Variants in MTDH observed in about 807,000 individuals in gnomAD.
MTDH encodes protein LYRIC.
MTDH carries 34 observed loss-of-function variants against 72.7 expected under a neutral mutation model. The ratio of observed to expected loss-of-function variants is 0.47; its 90% CI spans 0.36 to 0.62. The LOEUF (loss-of-function observed/expected upper bound fraction) is 0.62, where lower values mean the gene tolerates loss of function less well. Ranked by LOEUF, MTDH falls within the 20% of genes least tolerant of loss-of-function variation. The probability of loss-of-function intolerance (pLI) is 0.00; values close to 1 mark genes in which losing one functional copy is unlikely to be tolerated. For missense variants in MTDH, 677 were observed against 699.4 expected (o/e 0.97, Z 0.36); for synonymous variants, 266 against 268.9 (o/e 0.99, Z 0.10).
Position 97,703,587 on chromosome 8 carries a change from T to C in MTDH, c.1148-3039T>C, listed in dbSNP as rs1026645697. Among the ~76,000 whole-genome samples, 4 of 152,204 alleles carry C rather than the reference T, an allele frequency of 2.6e-5. No homozygotes were observed. In the East Asian group the frequency reaches 7.7e-4, roughly 29 times the overall value. On this transcript the variant is annotated intron_variant, in intron 7 of 11. Transcript: ENST00000336273. ...TGTGAGATTTAAGCAAAGCCACTGA[T>C]AGCTTGGTATGTGAACCTCCTAAAG...
At chr8:97,677,334 A>G (rs1812894586) in intron 2 of MTDH, among the ~76,000 whole-genome samples, 2 of 151,586 alleles carry the variant, frequency 1.3e-5, no homozygotes, top group African/African-American at 4.8e-5. Context: ...TCTACTAAAA[A>G]TAAAAAATTA....
In MTDH at chr8:97,727,338, A is replaced by C. The variant is rs1815393565; in HGVS notation, c.*2668A>C. The C allele has an allele frequency of 6.6e-6, 1 of 151,678 alleles. No individual in the cohort carries two copies. The highest frequency in any genetic ancestry group is 1.5e-5 in the Non-Finnish European group (1 of 68,022). The allele number at this position is 151,678 out of a possible 1,614,324, so 9.4% of individuals were successfully genotyped here. The stretch of plus-strand genomic sequence containing the variant: ...AATATGGTGAAACCCCATCTCTACA[A>C]AATTTGCAAAAAGTAGATGGGTGTG... On this transcript the variant is annotated 3_prime_UTR_variant, in exon 12 of 12. Transcript: ENST00000336273.
intron 11 of MTDH, among the ~76,000 whole-genome samples, chr8:97,723,939 C>T (rs1381923629): frequency 1.3e-5 from 2 of 151,922 alleles, no homozygotes; most frequent in African/African-American, 2.4e-5. Context: ...GAAACCCCGT[C>T]TCTACTAAAA....
intron 1 of MTDH, among the ~76,000 whole-genome samples, chr8:97,645,776 C>CT (rs907604887): frequency 3.3e-5 from 5 of 152,170 alleles, no homozygotes; most frequent in African/African-American, 1.2e-4. Context: ...CCCATTATAT[C>CT]TTTCATAGTT....
intron 2 of MTDH, among the ~76,000 whole-genome samples, chr8:97,682,274 A>G (rs1409285621): frequency 3.8e-4 from 2 of 5,212 alleles, no homozygotes; most frequent in Admixed American, 4.4e-3. Context: ...ATATATATAT[A>G]TATATATTTT....
intron 8 of MTDH, among the ~76,000 whole-genome samples, chr8:97,709,642 G>A (rs956513567): frequency 6.6e-6 from 1 of 152,168 alleles, no homozygotes; most frequent in African/African-American, 2.4e-5. Context: ...GCTGAATGAT[G>A]AGCAAGTTAT....
rs367975244 is a variant in MTDH, at chr8:97,647,267, T to C, written c.381+2380T>C. On this transcript the variant is annotated intron_variant, in intron 1 of 11. Transcript: ENST00000336273. ...CGTGGAAAAAGATATACTTAAGAAA[T>C]TAATGATACAACTGGATGTGGACCC... Among the ~76,000 whole-genome samples the C allele has an allele frequency of 3.3e-5, 5 of 152,134 alleles. No individual in the cohort carries two copies. In the East Asian group the frequency reaches 7.7e-4, roughly 23 times the overall value.
At chr8:97,672,223 G>T (rs1382615383) in intron 2 of MTDH, among the ~76,000 whole-genome samples, 1 of 152,222 alleles carries the variant, frequency 6.6e-6, no homozygotes, top group Non-Finnish European at 1.5e-5. Flanking sequence ...TACTATAGCA[G>T]TGGAGTTGGA....
intron 8 of MTDH, among the ~76,000 whole-genome samples, chr8:97,707,127 G>A (rs1814385961): frequency 6.6e-6 from 1 of 151,400 alleles, no homozygotes; most frequent in Non-Finnish European, 1.5e-5. Context: ...GGGAGATTTT[G>A]GTATAGGGTC....
intron 1 of MTDH, among the ~76,000 whole-genome samples, chr8:97,648,927 C>T (rs943399507): frequency 6.6e-6 from 1 of 152,022 alleles, no homozygotes; most frequent in African/African-American, 2.4e-5. Context: ...CCCTTTTTCT[C>T]TTTAAGTGGA....
In MTDH at chr8:97,729,335, ACTT is replaced by A. The variant is rs1374678968; in HGVS notation, c.*4669_*4671del. On this transcript the variant is annotated 3_prime_UTR_variant, in exon 12 of 12. Transcript: ENST00000336273. ...CATTACCTCCCCCACCCCCAAGAAC[ACTT>A]CTTGGAAGTTACACACAATACATAA... Among the ~76,000 whole-genome samples, 2 of 152,104 alleles carry A rather than the reference ACTT, an allele frequency of 1.3e-5. No homozygotes were observed. The highest frequency in any genetic ancestry group is 2.9e-5 in the Non-Finnish European group (2 of 68,008).
rs1586258093 is a variant in MTDH at position 97,696,553 on chromosome 8, A to G, written c.1049-3201A>G. ...TTGGCACACAGACAAATACACATGCAAGGCCTTCCATTCAGGTTCATATTC... is the reference window on the plus strand; with the variant it reads ...TTGGCACACAGACAAATACACATGCGAGGCCTTCCATTCAGGTTCATATTC... On this transcript the variant is annotated intron_variant, in intron 6 of 11. Transcript: ENST00000336273. Among the ~76,000 whole-genome samples the G allele has an allele frequency of 2.6e-5, 4 of 152,180 alleles. No individual in the cohort carries two copies. In the South Asian group the frequency reaches 8.3e-4, roughly 32 times the overall value.
intron 2 of MTDH, among the ~76,000 whole-genome samples, chr8:97,674,361 G>A (rs922208075): frequency 1.3e-5 from 2 of 152,166 alleles, no homozygotes; most frequent in Admixed American, 6.5e-5. Context: ...CTACTCTTAA[G>A]GAGATTTGTG....
rs141688930 is a variant in MTDH at position 97,665,807 on chromosome 8, T to G, written c.483+4634T>G. On this transcript the variant is annotated intron_variant, in intron 2 of 11. Transcript: ENST00000336273. ...TTTCAACTGGCAGCAACATTGATGA[T>G]TAATGAATCAGTTTTGCATCTCTGA... Among the ~76,000 whole-genome samples, 827 of 152,266 alleles carry G rather than the reference T, an allele frequency of 5.4e-3. 4 individuals are homozygous for G. The highest frequency in any genetic ancestry group is 0.018 in the African/African-American group (753 of 41,548).
At chr8:97,661,034 G>A (rs1422940428) in intron 1 of MTDH, 38 bp from the exon 2 acceptor site, 3 of 1,510,548 alleles carry the variant, frequency 2.0e-6, no homozygotes, top group Non-Finnish European at 1.8e-6. Context: ...GATCTGCTAA[G>A]CAGTTTGATA....
At chr8:97,681,514 A>G (rs1407741760) in intron 2 of MTDH, among the ~76,000 whole-genome samples, 4 of 112,288 alleles carry the variant, frequency 3.6e-5, no homozygotes, top group East Asian at 3.1e-4. Context: ...TTTTTTTGAG[A>G]TGGAATTTCG....
rs754496543 is a variant in MTDH, at chr8:97,644,784, C to T, written c.278C>T (p.Ala93Val). The T allele has an allele frequency of 3.2e-6, 5 of 1,543,642 alleles. No individual in the cohort carries two copies. The South Asian group carries it at 4.8e-5, about 15-fold the overall frequency. ...CCGCCCCGCAAGCGGGAGGAGGCGG[C>T]GGCCGTGCCGGCCGCGGCCCCCGAC... ...RSPPRKREEAAAVPAAAPDDL... is the reference protein window; with the variant it reads ...RSPPRKREEAVAVPAAAPDDL... The change falls in exon 1 of 12, where the codon GCG becomes GTG. Residue 93 changes from alanine (A) to valine (V), a missense_variant. By Grantham distance (64) the Ala-to-Val change is moderately conservative (BLOSUM62 0). Transcript: ENST00000336273.
At chr8:97,686,113 A>T (rs1269349118) in intron 2 of MTDH, among the ~76,000 whole-genome samples, 1 of 152,240 alleles carries the variant, frequency 6.6e-6, no homozygotes, top group Non-Finnish European at 1.5e-5. Context: ...TGACTCATTA[A>T]TTTGTTATAC....
At chr8:97,717,117 A>G (rs1814908281) in intron 9 of MTDH, among the ~76,000 whole-genome samples, 1 of 152,194 alleles carries the variant, frequency 6.6e-6, no homozygotes, top group Admixed American at 6.5e-5. Context: ...TACAGACTTC[A>G]CCCACATACT....
Sources: allele counts gnomAD v4.1 joint callset (sites outside exome capture counted in the v4.1 genomes callset), GRCh38; gene constraint gnomAD v4.1.1; transcripts MANE v1.5; gene names NCBI Gene and HGNC (gene_info 2026-07-23, HGNC 2026-07-21).